ASTN1: variants seen among roughly 807,000 people sequenced by gnomAD.
The protein encoded by ASTN1 is astrotactin-1.
Under a neutral mutation model 140.7 loss-of-function variants are expected in ASTN1, and 41 were observed. That is an observed-to-expected ratio of 0.29 (90% CI 0.23 to 0.38). ASTN1 has a LOEUF of 0.38. Ranked by LOEUF, ASTN1 falls within the 10% of genes least tolerant of loss-of-function variation. The pLI is 1.00. For synonymous variants in ASTN1, 640 were observed against 652.2 expected (o/e 0.98, Z 0.29); for missense variants, 1,479 against 1,678.8 (o/e 0.88, Z 2.08).
At chr1:177,084,031 T>C (rs560799550) in intron 1 of ASTN1, among the ~76,000 whole-genome samples, 5 of 152,196 alleles carry the variant, frequency 3.3e-5, no homozygotes, top group African/African-American at 1.2e-4. Context: ...TTGTCTTCTG[T>C]GGAGATGGAA....
intron 1 of ASTN1, among the ~76,000 whole-genome samples, chr1:177,127,793 C>T (rs774804345): frequency 2.0e-5 from 3 of 152,158 alleles, no homozygotes; most frequent in East Asian, 1.9e-4. Context: ...TGGATGGCAT[C>T]GCATTTTGAT....
intron 8 of ASTN1, among the ~76,000 whole-genome samples, chr1:176,968,589 C>T (rs917902962): frequency 7.9e-5 from 12 of 152,108 alleles, no homozygotes; most frequent in African/African-American, 2.4e-4. Flanking sequence ...GAGAAGTCAG[C>T]GAGTAGCAAA....
chr1:176,863,393 A>G lies in ASTN1; in HGVS notation c.*891T>C. On this transcript the variant is annotated 3_prime_UTR_variant, in exon 23 of 23. Coordinates refer to ENST00000361833, the MANE Select transcript of ASTN1 (RefSeq NM_004319.3). ...GAGGTGTGGGGGTTAAAGATAATCC[A>G]GGCACATGGATATATATTGGTAGGC... 1 of 985,876 alleles carries G rather than the reference A, an allele frequency of 1.0e-6. No homozygotes were observed. Among genetic ancestry groups the G allele is most frequent in the African/African-American group, 1.7e-5 (1 of 57,362 alleles). The allele number at this position is 985,876 out of a possible 1,614,324, so 61.1% of individuals were successfully genotyped here.
At chr1:176,938,808 A>G (rs1671559721) in intron 14 of ASTN1, among the ~76,000 whole-genome samples, 1 of 152,194 alleles carries the variant, frequency 6.6e-6, no homozygotes, top group Admixed American at 6.5e-5. Flanking sequence ...AAATAAAATT[A>G]TGGGCATAAA....
intron 8 of ASTN1, among the ~76,000 whole-genome samples, chr1:177,013,459 A>T (rs993010089): frequency 1.3e-5 from 2 of 152,110 alleles, no homozygotes; most frequent in Admixed American, 1.3e-4. Context: ...TCCCTTTATC[A>T]TAAATCACTC....
At chr1:176,915,636 T>C (rs1235599213) in intron 16 of ASTN1, among the ~76,000 whole-genome samples, 1 of 152,142 alleles carries the variant, frequency 6.6e-6, no homozygotes, top group Non-Finnish European at 1.5e-5. Flanking sequence ...CATTCGGATT[T>C]TAGATTACTC....
At chr1:176,969,882 C>A (rs1174151934) in intron 8 of ASTN1, among the ~76,000 whole-genome samples, 1 of 152,194 alleles carries the variant, frequency 6.6e-6, no homozygotes, top group African/African-American at 2.4e-5. Context: ...CCCATGTGGG[C>A]AGCTACAGGT....
chr1:176,972,813 G>A (rs1673196816), intron 8 of ASTN1, among the ~76,000 whole-genome samples: 1 of 152,142 alleles, frequency 6.6e-6, no homozygotes, highest in Non-Finnish European at 1.5e-5. Flanking sequence ...GTAATTAGAA[G>A]AGTAGTTCGT....
At chr1:176,909,970 A>G (rs1670160358) in intron 16 of ASTN1, among the ~76,000 whole-genome samples, 1 of 152,208 alleles carries the variant, frequency 6.6e-6, no homozygotes, top group Non-Finnish European at 1.5e-5. Flanking sequence ...CAAGCCTACT[A>G]AAGCCTAGTC....
At chr1:177,037,840 AT>A (rs1440564699) in intron 2 of ASTN1, among the ~76,000 whole-genome samples, 4 of 152,194 alleles carry the variant, frequency 2.6e-5, no homozygotes, top group Non-Finnish European at 5.9e-5. Context: ...AAAATGTGGC[AT>A]TTTAAAATAC....
intron 1 of ASTN1, among the ~76,000 whole-genome samples, chr1:177,094,726 T>C (rs971764172): frequency 2.6e-5 from 4 of 152,158 alleles, no homozygotes; most frequent in African/African-American, 9.7e-5. Flanking sequence ...CCTAAAAATG[T>C]GAAAGTGGTT....
chr1:176,932,061 T>G (rs1671229747), intron 16 of ASTN1, among the ~76,000 whole-genome samples: 1 of 152,248 alleles, frequency 6.6e-6, no homozygotes, highest in Non-Finnish European at 1.5e-5. Flanking sequence ...ACTTCCATCC[T>G]TAAGTCCTGT....
chr1:176,894,580 G>C lies in ASTN1; in HGVS notation c.2922C>G (p.Thr974=), dbSNP rs970733164. 5.6e-6 allele frequency: 9 copies of C among 1,614,022 alleles called. No homozygotes were observed. In the South Asian group the frequency reaches 6.6e-5, roughly 12 times the overall value. The stretch of plus-strand genomic sequence containing the variant: ...CTCTTACCCTCTGGGTCTGGTTGTT[G>C]GTCACTAGTTCATAGATGGGGGCTG... ...TKAAPIYELV[T]NNQTQRLLQE... The change falls in exon 17 of 23, where the codon ACC becomes ACG. Residue 974 remains threonine (T), a synonymous_variant. Coordinates refer to ENST00000361833, the MANE Select transcript of ASTN1 (RefSeq NM_004319.3).
chr1:177,162,677 C>T (rs1033847718), intron 1 of ASTN1, among the ~76,000 whole-genome samples: 4 of 152,182 alleles, frequency 2.6e-5, no homozygotes, highest in African/African-American at 9.6e-5. Context: ...GCACAGTAAA[C>T]ACTACAAGCA....
At chr1:177,085,046 C>G (rs960850063) in intron 1 of ASTN1, among the ~76,000 whole-genome samples, 1 of 152,016 alleles carries the variant, frequency 6.6e-6, no homozygotes, top group African/African-American at 2.4e-5. Context: ...AGAAATGAAC[C>G]CAGGAAAGGA....
At chr1:177,025,629 T>A (rs886230716) in intron 5 of ASTN1, among the ~76,000 whole-genome samples, 2 of 152,206 alleles carry the variant, frequency 1.3e-5, no homozygotes, top group African/African-American at 4.8e-5. Context: ...ATACTTATTA[T>A]TGATAGCAAT....
intron 1 of ASTN1, among the ~76,000 whole-genome samples, chr1:177,071,757 C>T (rs1015334499): frequency 1.3e-5 from 2 of 152,146 alleles, no homozygotes; most frequent in African/African-American, 4.8e-5. Flanking sequence ...TTTTGTCTCT[C>T]TGTGATTTGC....
intron 1 of ASTN1, among the ~76,000 whole-genome samples, chr1:177,073,208 T>A (rs190004118): frequency 6.6e-6 from 1 of 152,230 alleles, no homozygotes; most frequent in Non-Finnish European, 1.5e-5. Flanking sequence ...GGGACATTCA[T>A]CCTCCCAGAC....
intron 16 of ASTN1, among the ~76,000 whole-genome samples, chr1:176,910,312 T>C (rs2103058643): frequency 6.6e-6 from 1 of 152,328 alleles, no homozygotes; most frequent in South Asian, 2.1e-4. Context: ...TTTAGGCCTT[T>C]CTTGTGCTTC....
Sources: allele counts gnomAD v4.1 joint callset (sites outside exome capture counted in the v4.1 genomes callset), GRCh38; gene constraint gnomAD v4.1.1; transcripts MANE v1.5; gene names NCBI Gene and HGNC (gene_info 2026-07-23, HGNC 2026-07-21).